The following ANO4 variants were observed in gnomAD, a reference collection of about 807,000 sequenced individuals.
The protein encoded by ANO4 is anoctamin 4, also known as anoctamin-4.
Under a neutral mutation model 141.9 loss-of-function variants are expected in ANO4, and 69 were observed. The ratio of observed to expected loss-of-function variants is 0.49; its 90% CI spans 0.40 to 0.59. The LOEUF (loss-of-function observed/expected upper bound fraction) is 0.59. ANO4 is among the 20% of genes least tolerant of loss of function. The pLI is 0.00. For missense variants in ANO4, 894 were observed against 1,162.2 expected, an observed-to-expected ratio of 0.77 and a Z score of 3.36; for synonymous variants, 350 against 394.3, an observed-to-expected ratio of 0.89 and a Z score of 1.33.
At chr12:101,067,088 G>A (rs1031119838) in intron 14 of ANO4, 5 of 398,870 alleles carry the variant, frequency 1.3e-5, no homozygotes, top group African/African-American at 1.0e-4. Context: ...TTTCTGCCTT[G>A]CTATTCATTT....
chr12:100,868,227 G>C (rs2038857151), intron 1 of ANO4, among the ~76,000 whole-genome samples: 1 of 152,176 alleles, frequency 6.6e-6, no homozygotes, highest in African/African-American at 2.4e-5. Context: ...GCATGCACCT[G>C]AGGCAGCATT....
chr12:100,880,964 CAG>C (rs1196420067), intron 1 of ANO4, among the ~76,000 whole-genome samples: 2 of 152,142 alleles, frequency 1.3e-5, no homozygotes, highest in Non-Finnish European at 2.9e-5. Flanking sequence ...GCCTGTCCTT[CAG>C]AGTTTATTTA....
chr12:101,066,526 C>T lies in ANO4; in HGVS notation c.1313-12667C>T, dbSNP rs546468422. Among the ~76,000 whole-genome samples, 3 of 152,268 alleles carry T rather than the reference C, an allele frequency of 2.0e-5. No individual in the cohort carries two copies. The South Asian group carries it at 6.2e-4, about 32-fold the overall frequency. On this transcript the variant is annotated intron_variant, in intron 14 of 27. Coordinates refer to ENST00000392977, the MANE Select transcript of ANO4 (RefSeq NM_001286615.2). ...CATTTACAATAGCTACAAATACAAT[C>T]AAAGAACTAGGAATTAACCAAAGAA...
chr12:100,814,448 G>A (rs1450109884), intron 1 of ANO4, among the ~76,000 whole-genome samples: 1 of 152,076 alleles, frequency 6.6e-6, no homozygotes, highest in Non-Finnish European at 1.5e-5. Flanking sequence ...GAGCAGTAAG[G>A]ATGGAGGAAA....
chr12:100,920,176 A>G (rs983493955), intron 2 of ANO4, among the ~76,000 whole-genome samples: 5 of 152,056 alleles, frequency 3.3e-5, no homozygotes, highest in African/African-American at 4.8e-5. Flanking sequence ...TTACTGGGTT[A>G]TGTTGGATTT....
At chr12:100,922,067 CTT>C (rs71820018) in intron 2 of ANO4, among the ~76,000 whole-genome samples, 157 bp from the exon 3 acceptor site, 1 of 142,460 alleles carries the variant, frequency 7.0e-6, no homozygotes, top group Admixed American at 7.0e-5. Flanking sequence ...GTATATGTTC[CTT>C]TTTTTTTTTT....
chr12:101,071,334 C>T (rs986296911), intron 14 of ANO4, among the ~76,000 whole-genome samples: 1 of 146,688 alleles, frequency 6.8e-6, no homozygotes, highest in African/African-American at 2.6e-5. Context: ...TACTAGTCAG[C>T]CATTAAAAAA....
chr12:100,758,591 T>G (rs1488352496), intron 3 of ANO4, among the ~76,000 whole-genome samples: 1 of 152,292 alleles, frequency 6.6e-6, no homozygotes, highest in African/African-American at 2.4e-5. Flanking sequence ...CTCTAAAGAA[T>G]TGACAGTGTG....
At chr12:100,972,182 A>G (rs976940489) in intron 6 of ANO4, among the ~76,000 whole-genome samples, 12 of 152,228 alleles carry the variant, frequency 7.9e-5, no homozygotes, top group African/African-American at 2.9e-4. Context: ...TCGAAGAATA[A>G]CGTACTTTTG....
chr12:100,717,762 G>T (rs747780623), intron 1 of ANO4, among the ~76,000 whole-genome samples: 1 of 152,342 alleles, frequency 6.6e-6, no homozygotes, highest in South Asian at 2.1e-4. Flanking sequence ...CGGGAAAAAC[G>T]CTTCAAAATT....
At chr12:100,892,233 T>C (rs2040140667) in intron 1 of ANO4, among the ~76,000 whole-genome samples, 1 of 152,232 alleles carries the variant, frequency 6.6e-6, no homozygotes, top group Non-Finnish European at 1.5e-5. Context: ...GGAGTACTGA[T>C]AGCTGTTGGA....
At chr12:100,962,675 G>A (rs138371747) in intron 5 of ANO4, among the ~76,000 whole-genome samples, 1 of 152,312 alleles carries the variant, frequency 6.6e-6, no homozygotes, top group East Asian at 1.9e-4. Context: ...TTGGCCTTCA[G>A]CCAGATATAG....
intron 15 of ANO4, among the ~76,000 whole-genome samples, chr12:101,080,904 T>TATATATAC (rs2049243790): frequency 1.7e-5 from 2 of 118,368 alleles, no homozygotes; most frequent in South Asian, 2.9e-4. Context: ...TATATATACA[T>TATATATAC]ACACATATAC....
chr12:100,783,000 A>G (rs1244264284), intron 3 of ANO4, among the ~76,000 whole-genome samples: 1 of 152,184 alleles, frequency 6.6e-6, no homozygotes, highest in East Asian at 1.9e-4. Context: ...GATTACTTTC[A>G]TTGTTAACAG....
chr12:101,012,013 C>G (rs1284394386), intron 8 of ANO4, among the ~76,000 whole-genome samples: 1 of 152,046 alleles, frequency 6.6e-6, no homozygotes, highest in Non-Finnish European at 1.5e-5. Flanking sequence ...ATCTTCCTTG[C>G]CTTTACTTCC....
At chr12:101,116,534 A>G (rs2050859616) in intron 24 of ANO4, 145 bp from the exon 25 acceptor site, 3 of 1,162,186 alleles carry the variant, frequency 2.6e-6, no homozygotes, top group Non-Finnish European at 3.7e-6. Flanking sequence ...TTTCCAGCGT[A>G]TCCCAACCTG....
chr12:100,905,577 G>C (rs935979456), intron 2 of ANO4, among the ~76,000 whole-genome samples: 11 of 152,228 alleles, frequency 7.2e-5, no homozygotes, highest in African/African-American at 2.7e-4. Flanking sequence ...TTTTAGTGGA[G>C]TGGTGGGGAT....
intron 5 of ANO4, among the ~76,000 whole-genome samples, chr12:100,945,265 A>G (rs945964985): frequency 6.6e-6 from 1 of 152,216 alleles, no homozygotes; most frequent in Non-Finnish European, 1.5e-5. Context: ...CAAGAAACAC[A>G]ACTAGGATAA....
intron 1 of ANO4, among the ~76,000 whole-genome samples, chr12:100,847,899 G>A (rs1942612613): frequency 6.6e-6 from 1 of 152,168 alleles, no homozygotes. Context: ...GAAGCAAATA[G>A]CCACTTCTCA....
Sources: gnomAD v4.1 joint callset for allele counts (sites outside exome capture counted in the v4.1 genomes callset) on GRCh38, gnomAD v4.1.1 for gene constraint, MANE v1.5 for transcripts, NCBI Gene and HGNC (gene_info 2026-07-23, HGNC 2026-07-21) for gene names.